RIMS2: variants seen among roughly 807,000 people sequenced by gnomAD.
RIMS2 encodes regulating synaptic membrane exocytosis 2, also known as regulating synaptic membrane exocytosis protein 2.
A neutral mutation model predicts 174.4 loss-of-function variants in RIMS2; 59 were observed. The ratio of observed to expected loss-of-function variants is 0.34; its 90% CI spans 0.27 to 0.42. RIMS2 has a LOEUF of 0.42. Among genes scored for constraint, RIMS2 ranks in the 10% least tolerant of loss-of-function variants. RIMS2 has a pLI of 1.00. For synonymous variants in RIMS2, 606 were observed against 572.5 expected, an observed-to-expected ratio of 1.06 and a Z score of -0.84; for missense variants, 1,620 against 1,666.3, an observed-to-expected ratio of 0.97 and a Z score of 0.48.
intron 19 of RIMS2, among the ~76,000 whole-genome samples, chr8:104,178,787 A>T (rs1224908394): frequency 1.6e-4 from 25 of 151,570 alleles, no homozygotes; most frequent in Admixed American, 1.6e-3. Flanking sequence ...GGGAATTAAG[A>T]AAAAGTTTGT....
At chr8:103,840,947 A>G (rs185920800) in intron 3 of RIMS2, among the ~76,000 whole-genome samples, 3 of 152,306 alleles carry the variant, frequency 2.0e-5, no homozygotes, top group African/African-American at 4.8e-5. Flanking sequence ...TAAAATGCCA[A>G]AACAATGTAT....
At chr8:104,183,710 G>T (rs907098366) in intron 19 of RIMS2, among the ~76,000 whole-genome samples, 1 of 151,558 alleles carries the variant, frequency 6.6e-6, no homozygotes, top group African/African-American at 2.4e-5. Context: ...GCTCATCAGA[G>T]TATAAAATAA....
At chr8:103,602,224 TG>T (rs374880956) in intron 1 of RIMS2, among the ~76,000 whole-genome samples, 1,777 of 152,242 alleles carry the variant, frequency 0.012, 38 homozygotes, top group African/African-American at 0.042. Flanking sequence ...CCTGACCTCA[TG>T]ATCCGCCCGC....
At position 104,188,581 on chromosome 8, in the gene RIMS2, G is replaced by A. The variant is rs202156225; in HGVS notation, c.3335-56335G>A. On this transcript the variant is annotated intron_variant, in intron 19 of 23. Transcript: ENST00000504942. Reference sequence around the variant, plus strand: ...ATGCCCAATATAAGAGGTATTCAATGTTTTTTGTAGTAGGCATTGTGCAGA... The same window carrying A: ...ATGCCCAATATAAGAGGTATTCAATATTTTTTGTAGTAGGCATTGTGCAGA... Among the ~76,000 whole-genome samples the A allele has an allele frequency of 3.5e-4, 53 of 151,734 alleles. No individual in the cohort carries two copies. In the East Asian group the frequency reaches 8.9e-3, roughly 26 times the overall value.
At chr8:103,840,417 A>G (rs1351685540) in intron 3 of RIMS2, among the ~76,000 whole-genome samples, 1 of 149,482 alleles carries the variant, frequency 6.7e-6, no homozygotes, top group African/African-American at 2.5e-5. Flanking sequence ...CATTGCATTC[A>G]TATTGTTGTG....
intron 19 of RIMS2, among the ~76,000 whole-genome samples, chr8:104,161,270 T>C (rs889921462): frequency 6.6e-6 from 1 of 152,140 alleles, no homozygotes; most frequent in African/African-American, 2.4e-5. Context: ...CCTTGAAGTA[T>C]GGATAATGTT....
At chr8:104,127,608 C>T (rs1238017321) in intron 19 of RIMS2, among the ~76,000 whole-genome samples, 2 of 152,056 alleles carry the variant, frequency 1.3e-5, no homozygotes, top group African/African-American at 4.8e-5. Context: ...CTCACTGTGC[C>T]CACTTTTCTC....
intron 19 of RIMS2, among the ~76,000 whole-genome samples, chr8:104,025,369 T>G (rs1052706296): frequency 6.6e-6 from 1 of 152,020 alleles, no homozygotes; most frequent in African/African-American, 2.4e-5. Context: ...ACACCTCTAG[T>G]CCCAGCTACT....
chr8:104,001,289 A>G (rs1337042676), intron 17 of RIMS2, among the ~76,000 whole-genome samples: 3 of 151,986 alleles, frequency 2.0e-5, no homozygotes, highest in Non-Finnish European at 4.4e-5. Context: ...TGTATATCCC[A>G]ATTACCCAAA....
chr8:103,797,752 A>G (rs2098559778), intron 3 of RIMS2, among the ~76,000 whole-genome samples: 1 of 152,158 alleles, frequency 6.6e-6, no homozygotes, highest in Non-Finnish European at 1.5e-5. Context: ...ATTTGCTTTA[A>G]CCTGTCACAT....
intron 19 of RIMS2, among the ~76,000 whole-genome samples, chr8:104,051,401 G>A (rs2096783500): frequency 6.6e-6 from 1 of 152,124 alleles, no homozygotes; most frequent in African/African-American, 2.4e-5. Flanking sequence ...GAAGAACATA[G>A]TTATAGATTA....
At chr8:103,614,916 C>G (rs1416348913) in intron 1 of RIMS2, among the ~76,000 whole-genome samples, 1 of 152,154 alleles carries the variant, frequency 6.6e-6, no homozygotes, top group Non-Finnish European at 1.5e-5. Context: ...TGACACATTT[C>G]TAACACATAT....
At chr8:103,832,922 T>C (rs1417456673) in intron 3 of RIMS2, among the ~76,000 whole-genome samples, 2 of 152,166 alleles carry the variant, frequency 1.3e-5, no homozygotes, top group Non-Finnish European at 2.9e-5. Flanking sequence ...ATGAGTAGTC[T>C]TTTACATTTA....
rs373400839 is a variant in RIMS2 at position 103,819,499 on chromosome 8, A to AG, written c.698+52963dup. ...AAAAATAAGAGAAGGGGAAAAAAAA[A>AG]GAAAGAAAATGCAATTTGAGACATT... On this transcript the variant is annotated intron_variant, in intron 3 of 23. Transcript: ENST00000504942. 5.6e-6 allele frequency: 9 copies of AG among 1,611,598 alleles called. No homozygotes were observed. The African/African-American group carries it at 1.2e-4, about 22-fold the overall frequency.
chr8:103,766,424 C>T (rs1271536779), exon 3 of RIMS2: 2 of 1,613,636 alleles, frequency 1.2e-6, no homozygotes, highest in Admixed American at 1.7e-5. Context: ...CCTCAGGTGA[C>T]TTATCTGTAC....
intron 3 of RIMS2, among the ~76,000 whole-genome samples, chr8:103,875,343 A>G (rs1181765985): frequency 6.6e-6 from 1 of 151,924 alleles, no homozygotes; most frequent in Non-Finnish European, 1.5e-5. Context: ...GCTCCCACTT[A>G]TGAGTAAGAA....
intron 2 of RIMS2, among the ~76,000 whole-genome samples, chr8:103,706,668 G>A (rs1325423464): frequency 6.6e-6 from 1 of 152,022 alleles, no homozygotes; most frequent in African/African-American, 2.4e-5. Context: ...AGGTGTATTG[G>A]AGTTTCTTTA....
intron 17 of RIMS2, among the ~76,000 whole-genome samples, chr8:104,003,869 A>G (rs749297744): frequency 2.6e-5 from 4 of 152,218 alleles, no homozygotes; most frequent in Non-Finnish European, 4.4e-5. Flanking sequence ...ATCGATTTGA[A>G]GAGAAAAAAG....
chr8:103,984,863 A>C (rs1431746283), intron 16 of RIMS2, among the ~76,000 whole-genome samples: 4 of 152,222 alleles, frequency 2.6e-5, no homozygotes, highest in Non-Finnish European at 5.9e-5. Context: ...GCCAGAAAGA[A>C]ATGAGATCCT....
Sources: allele counts gnomAD v4.1 joint callset (sites outside exome capture counted in the v4.1 genomes callset), GRCh38; gene constraint gnomAD v4.1.1; transcripts MANE v1.5; gene names NCBI Gene and HGNC (gene_info 2026-07-23, HGNC 2026-07-21).